The following TNFAIP8L3 variants were observed in gnomAD, a reference collection of about 807,000 sequenced individuals.
TNFAIP8L3 encodes tumor necrosis factor alpha-induced protein 8-like protein 3.
Under a neutral mutation model 11.8 loss-of-function variants are expected in TNFAIP8L3, and 7 were observed. That is an observed-to-expected ratio of 0.59 (90% CI 0.34 to 1.11). TNFAIP8L3 has a LOEUF of 1.11. Ranked by LOEUF, TNFAIP8L3 falls within the 50% of genes most tolerant of loss-of-function variation. The pLI is 0.03. For synonymous variants in TNFAIP8L3, 98 were observed against 103.8 expected, an observed-to-expected ratio of 0.94 and a Z score of 0.34; for missense variants, 219 against 258.6, an observed-to-expected ratio of 0.85 and a Z score of 1.05.
chr15:51,061,950 C>T (rs1335274696), intron 1 of TNFAIP8L3, among the ~76,000 whole-genome samples: 2 of 152,064 alleles, frequency 1.3e-5, no homozygotes, highest in African/African-American at 4.8e-5. Context: ...TCTTTGTTTG[C>T]CAGGAGGTTT....
At chr15:51,105,017 C>T in exon 1 of TNFAIP8L3, 4 of 1,614,184 alleles carry the variant, frequency 2.5e-6, no homozygotes, top group Non-Finnish European at 3.4e-6. Flanking sequence ...AGTCCCTTTC[C>T]CCTCTGAAGA....
intron 1 of TNFAIP8L3, among the ~76,000 whole-genome samples, chr15:51,089,472 C>T (rs566038627): frequency 6.6e-6 from 1 of 152,336 alleles, no homozygotes; most frequent in East Asian, 1.9e-4. Flanking sequence ...CATGCACTGG[C>T]TTAGGCTGTG....
In TNFAIP8L3 at chr15:51,102,143, G is replaced by C. The variant is rs558323698; in HGVS notation, c.172+2862C>G. On this transcript the variant is annotated intron_variant, in intron 1 of 2. Coordinates refer to the TNFAIP8L3 transcript ENST00000327536. ...GACTTTTTGGATTCCTTTGGAAACT[G>C]AGACATGGAAAGGAAATGATGTGTC... Among the ~76,000 whole-genome samples, 39 of 152,150 alleles carry C rather than the reference G, an allele frequency of 2.6e-4. No individual in the cohort carries two copies. In the Middle Eastern group the frequency reaches 0.014, roughly 53 times the overall value.
chr15:51,071,202 C>A (rs191271798), intron 1 of TNFAIP8L3, among the ~76,000 whole-genome samples: 6 of 151,960 alleles, frequency 3.9e-5, no homozygotes, highest in Admixed American at 1.3e-4. Flanking sequence ...GTAGCCACCA[C>A]CCAGATGGAA....
chr15:51,069,914 T>C (rs542437838), intron 1 of TNFAIP8L3, among the ~76,000 whole-genome samples: 1 of 152,226 alleles, frequency 6.6e-6, no homozygotes, highest in Non-Finnish European at 1.5e-5. Context: ...CTGAGATTTC[T>C]CACTTATTTG....
At chr15:51,084,960 G>A (rs952551614) in intron 1 of TNFAIP8L3, among the ~76,000 whole-genome samples, 1 of 152,182 alleles carries the variant, frequency 6.6e-6, no homozygotes, top group African/African-American at 2.4e-5. Context: ...AGGAGCAACT[G>A]AGAAGGTACA....
At chr15:51,076,537 G>T (rs991977682) in intron 1 of TNFAIP8L3, among the ~76,000 whole-genome samples, 4 of 152,170 alleles carry the variant, frequency 2.6e-5, no homozygotes, top group Non-Finnish European at 5.9e-5. Flanking sequence ...ACCACCAAAA[G>T]GTTTCACTGT....
At chr15:51,067,324 AC>A (rs961587769) in intron 1 of TNFAIP8L3, among the ~76,000 whole-genome samples, 1 of 151,774 alleles carries the variant, frequency 6.6e-6, no homozygotes, top group Non-Finnish European at 1.5e-5. Context: ...GAAGACAGAT[AC>A]CCCGAGCTTA....
At chr15:51,063,272 T>A (rs1473323067) in intron 1 of TNFAIP8L3, among the ~76,000 whole-genome samples, 1 of 152,236 alleles carries the variant, frequency 6.6e-6, no homozygotes, top group Non-Finnish European at 1.5e-5. Context: ...TGATTTTCTT[T>A]GATTAGGGAA....
chr15:51,074,959 G>T (rs1026409737), intron 1 of TNFAIP8L3, among the ~76,000 whole-genome samples: 1 of 152,156 alleles, frequency 6.6e-6, no homozygotes, highest in Admixed American at 6.5e-5. Flanking sequence ...TCTACTTTCC[G>T]CATCCGGTGC....
At chr15:51,059,215 T>C (rs1327430454) in intron 1 of TNFAIP8L3, among the ~76,000 whole-genome samples, 4 of 152,202 alleles carry the variant, frequency 2.6e-5, no homozygotes, top group Non-Finnish European at 5.9e-5. Flanking sequence ...AGTAGTACTC[T>C]GAAGGTGAAG....
At chr15:51,092,272 A>T (rs1158626491) in intron 1 of TNFAIP8L3, among the ~76,000 whole-genome samples, 2 of 152,246 alleles carry the variant, frequency 1.3e-5, no homozygotes, top group Non-Finnish European at 2.9e-5. Flanking sequence ...CTTCTCAGTT[A>T]CACCCATTCA....
rs1052474277 is a variant in TNFAIP8L3, at chr15:51,082,085, G to A, written c.52+12459C>T. On this transcript the variant is annotated intron_variant, in intron 1 of 1. Transcript: ENST00000637513. ...TTAATGAGGGGACTTTTCTGGAAGC[G>A]TGAAAAAGCATAGTCAACATAGAGT... 1.0e-4 allele frequency among the ~76,000 whole-genome samples: 15 copies of A among 150,468 alleles called. 2 individuals are homozygous for A. In the South Asian group the frequency reaches 2.3e-3, roughly 23 times the overall value.
Position 51,058,208 on chromosome 15 carries a change from C to T in TNFAIP8L3, c.288G>A (p.Gln96=). 9 of 1,614,214 alleles carry T rather than the reference C, an allele frequency of 5.6e-6. No homozygotes were observed. Among genetic ancestry groups the T allele is most frequent in the Non-Finnish European group, 7.6e-6 (9 of 1,180,044 alleles). The change falls in exon 2 of 2, where the codon CAG becomes CAA. Residue 96 remains glutamine, a synonymous_variant. Coordinates refer to ENST00000637513, the MANE Select transcript of TNFAIP8L3 (RefSeq NM_001311175.2). The part of the protein sequence containing the change: ...IKIGILYRNN[Q]FSQEELVIVE... ...CAATAACCAGCTCCTCTTGGCTAAA[C>T]TGGTTGTTCCGGTAGAGGATCCCGA...
chr15:51,073,658 C>T (rs532664262), intron 1 of TNFAIP8L3, among the ~76,000 whole-genome samples: 2 of 152,192 alleles, frequency 1.3e-5, no homozygotes, highest in South Asian at 4.1e-4. Context: ...TTCTTTGACC[C>T]CCTATTTCTT....
At chr15:51,097,552 G>C (rs2065522366), upstream of TNFAIP8L3, among the ~76,000 whole-genome samples, 1 of 152,298 alleles carries the variant, frequency 6.6e-6, no homozygotes, top group Middle Eastern at 3.4e-3. Flanking sequence ...AAATTGAATT[G>C]AATGTGGAAT....
upstream of TNFAIP8L3, among the ~76,000 whole-genome samples, chr15:51,097,929 T>A (rs1193495039): frequency 6.6e-6 from 1 of 152,050 alleles, no homozygotes; most frequent in Non-Finnish European, 1.5e-5. Context: ...TTTAGAAAAA[T>A]GGCATCACTT....
upstream of TNFAIP8L3, among the ~76,000 whole-genome samples, chr15:51,097,194 A>C (rs1222864367): frequency 1.3e-5 from 2 of 152,102 alleles, no homozygotes; most frequent in African/African-American, 4.8e-5. Flanking sequence ...TTTTGTTTTA[A>C]TGGACAGGTA....
In TNFAIP8L3 at chr15:51,057,769, A is replaced by G; in HGVS notation, c.*112T>C. On this transcript the variant is annotated 3_prime_UTR_variant, in exon 2 of 2. Transcript: ENST00000637513. ...ATCAGCATCAGAGGGATGAACAGGA[A>G]AGAACATGGACATCTTTGACAAGGG... The G allele has an allele frequency of 8.5e-6, 8 of 943,380 alleles. No homozygotes were observed. The highest frequency in any genetic ancestry group is 9.5e-6 in the Non-Finnish European group (6 of 634,132). The allele number at this position is 943,380 out of a possible 1,614,324, so 58.4% of individuals were successfully genotyped here.
Sources: allele counts gnomAD v4.1 joint callset (sites outside exome capture counted in the v4.1 genomes callset), GRCh38; gene constraint gnomAD v4.1.1; transcripts MANE v1.5; gene names NCBI Gene and HGNC (gene_info 2026-07-23, HGNC 2026-07-21).